The following MYO18B variants were observed in gnomAD, a reference collection of about 807,000 sequenced individuals.
MYO18B encodes myosin XVIIIB.
A neutral mutation model predicts 273.0 loss-of-function variants in MYO18B; 204 were observed. The ratio of observed to expected loss-of-function variants is 0.75; its 90% CI spans 0.67 to 0.84. The LOEUF is 0.84. Among genes scored for constraint, MYO18B ranks in the 40% least tolerant of loss-of-function variants. The pLI is 0.00. For synonymous variants in MYO18B, 1,330 were observed against 1,305.7 expected (o/e 1.02, Z -0.40); for missense variants, 3,212 against 3,287.6 (o/e 0.98, Z 0.56).
chr22:26,040,905 G>A, the MYO18B span, among the ~76,000 whole-genome samples: 1 of 152,156 alleles, frequency 6.6e-6, no homozygotes, highest in Non-Finnish European at 1.5e-5. Context: ...CTGAGAGTAA[G>A]GATGGGAGCC....
chr22:26,025,987 G>A (rs1936211125), intron 42 of MYO18B, among the ~76,000 whole-genome samples: 1 of 152,210 alleles, frequency 6.6e-6, no homozygotes, highest in Non-Finnish European at 1.5e-5. Context: ...GTATCCCGTG[G>A]AGACACATAT....
rs180817625 is a variant in MYO18B at position 25,865,209 on chromosome 22, G to A, written c.3886-3111G>A. ...ATATTCTCACCACTTTGCAGGTGGG[G>A]AAGAGGGTCAGTTGTATAATTTAAT... On this transcript the variant is annotated intron_variant, in intron 21 of 43. Transcript: ENST00000335473. 5.5e-3 allele frequency among the ~76,000 whole-genome samples: 837 copies of A among 152,330 alleles called. 8 individuals are homozygous for A. The highest frequency in any genetic ancestry group is 0.023 in the South Asian group (113 of 4,816).
At chr22:25,984,133 ATTATTTC>A in intron 39 of MYO18B, among the ~76,000 whole-genome samples, 1 of 119,108 alleles carries the variant, frequency 8.4e-6, no homozygotes, top group African/African-American at 3.1e-5. Flanking sequence ...ACAATTTTAC[ATTATTTC>A]ATTTGTTCCT....
intron 22 of MYO18B, among the ~76,000 whole-genome samples, chr22:25,871,705 C>T (rs539630007): frequency 6.6e-6 from 1 of 152,250 alleles, no homozygotes; most frequent in East Asian, 1.9e-4. Flanking sequence ...AAGGCTTGTG[C>T]TGAGGGCCAT....
chr22:26,046,648 G>T, the MYO18B span, among the ~76,000 whole-genome samples: 3 of 152,090 alleles, frequency 2.0e-5, no homozygotes, highest in African/African-American at 4.8e-5. Flanking sequence ...TTTCACTCTT[G>T]CCCCTAGCTG....
At chr22:26,006,468 G>T in intron 42 of MYO18B, 1 of 316,632 alleles carries the variant, frequency 3.2e-6, no homozygotes. Context: ...TGTTCTGGCT[G>T]CTTCCAAATT....
chr22:25,999,728 T>C (rs1332328855), intron 40 of MYO18B, among the ~76,000 whole-genome samples: 1 of 151,436 alleles, frequency 6.6e-6, no homozygotes, highest in Non-Finnish European at 1.5e-5. Context: ...TGATCTTGGC[T>C]CACTGCAACC....
Position 25,770,167 on chromosome 22 carries a change from T to A in MYO18B, c.1570T>A (p.Phe524Ile). The A allele has an allele frequency of 6.2e-7, 1 of 1,613,932 alleles. No homozygotes were observed. The highest frequency in any genetic ancestry group is 8.5e-7 in the Non-Finnish European group (1 of 1,179,842). ...AGTCTGGCTGGCTCAGAAGGATGGA[T>A]TTACTCTTGGTAAGTAGGGGTGTTA... ...EKVWLAQKDGFTLATVLKPDE... is the reference protein window; with the variant it reads ...EKVWLAQKDGITLATVLKPDE... The change falls in exon 5 of 44, where the codon TTT becomes ATT. Residue 524 changes from phenylalanine to isoleucine, a missense_variant. Phe to Ile is a conservative substitution (Grantham distance 21, BLOSUM62 0). Transcript: ENST00000335473.
At chr22:25,934,361 G>T (rs1021034353) in intron 34 of MYO18B, among the ~76,000 whole-genome samples, 6 of 152,234 alleles carry the variant, frequency 3.9e-5, no homozygotes, top group Middle Eastern at 3.4e-3. Flanking sequence ...AAATCAGTTG[G>T]TCAGGCAGAG....
Position 25,952,387 on chromosome 22 carries a change from G to A in MYO18B, c.5934G>A (p.Lys1978=). 6.2e-7 allele frequency: 1 copy of A among 1,613,112 alleles called. No homozygotes were observed. The highest frequency in any genetic ancestry group is 1.1e-5 in the South Asian group (1 of 90,654). ...CGGTCATCTGTGACCTAGAGAACAAGACAGAGTTCCAGAAGGTGCAGATTA... is the reference window on the plus strand; with the variant it reads ...CGGTCATCTGTGACCTAGAGAACAAAACAGAGTTCCAGAAGGTGCAGATTA... ...QEAVICDLEN[K]TEFQKVQIKR... Residue 1978 remains lysine (K), a synonymous_variant, in exon 38 of 44, where the codon AAG becomes AAA. Coordinates refer to ENST00000335473, the MANE Select transcript of MYO18B (RefSeq NM_032608.7).
the MYO18B span, among the ~76,000 whole-genome samples, chr22:26,036,228 T>C: frequency 2.0e-5 from 3 of 152,232 alleles, no homozygotes; most frequent in Admixed American, 6.5e-5. Context: ...TCCCACTCCC[T>C]GGACCTGGTT....
At chr22:25,783,460 T>A (rs2087246981) in intron 10 of MYO18B, among the ~76,000 whole-genome samples, 1 of 152,058 alleles carries the variant, frequency 6.6e-6, no homozygotes, top group Non-Finnish European at 1.5e-5. Context: ...TGGCCTCACC[T>A]CTTGGGACCT....
In MYO18B at chr22:25,962,398, A is replaced by G. The variant is rs549658446; in HGVS notation, c.6156+7034A>G. 1.4e-4 allele frequency among the ~76,000 whole-genome samples: 21 copies of G among 152,360 alleles called. No individual in the cohort carries two copies. In the South Asian group the frequency reaches 4.4e-3, roughly 32 times the overall value. ...CAACCTCCATATCAGAGTCAGGTAT[A>G]GGGTAGATGCTCAGTAATTGCTTGC... On this transcript the variant is annotated intron_variant, in intron 39 of 43. Coordinates refer to ENST00000335473, the MANE Select transcript of MYO18B (RefSeq NM_032608.7).
intron 28 of MYO18B, chr22:25,896,311 T>C (rs909294809): frequency 4.6e-5 from 7 of 152,116 alleles, no homozygotes; most frequent in Non-Finnish European, 8.8e-5. Flanking sequence ...TATTTTCTCT[T>C]CTCACTGAGG....
intron 17 of MYO18B, among the ~76,000 whole-genome samples, chr22:25,842,352 C>T (rs1170481997): frequency 6.6e-6 from 1 of 152,136 alleles, no homozygotes; most frequent in Non-Finnish European, 1.5e-5. Context: ...ATCCAAGAGT[C>T]ATGATAATCT....
intron 36 of MYO18B, among the ~76,000 whole-genome samples, chr22:25,948,997 G>C (rs896091184): frequency 6.6e-6 from 1 of 152,128 alleles, no homozygotes; most frequent in Admixed American, 6.5e-5. Context: ...TGGTGCATTG[G>C]AGAGACTGAA....
rs916847753 is a variant in MYO18B at position 25,915,790 on chromosome 22, C to T, written c.5364+4740C>T. ...ATATGTTTTCAATACACAGCTCTTTCGGATTGCTAACAGTTTATTTAGGAT... is the reference window on the plus strand; with the variant it reads ...ATATGTTTTCAATACACAGCTCTTTTGGATTGCTAACAGTTTATTTAGGAT... On this transcript the variant is annotated intron_variant, in intron 33 of 43. Coordinates refer to ENST00000335473, the MANE Select transcript of MYO18B (RefSeq NM_032608.7). Among the ~76,000 whole-genome samples the T allele has an allele frequency of 2.6e-5, 4 of 152,244 alleles. 1 individual carries two copies. The highest frequency in any genetic ancestry group is 2.0e-4 in the Admixed American group (3 of 15,304).
chr22:26,052,666 T>A, the MYO18B span, among the ~76,000 whole-genome samples: 1 of 152,254 alleles, frequency 6.6e-6, no homozygotes, highest in East Asian at 1.9e-4. Flanking sequence ...CTTGCTGAGT[T>A]TTTGATTAAG....
Position 25,832,797 on chromosome 22 carries a change from A to G in MYO18B, c.2980-120A>G, listed in dbSNP as rs910376917. On this transcript the variant is annotated intron_variant, in intron 15 of 43. Coordinates refer to ENST00000335473, the MANE Select transcript of MYO18B (RefSeq NM_032608.7). ...GTATCTTTTGCCAAAATTTAAAAAAACGATTTTTTTAAAGGGCCAAGAGGT... is the reference window on the plus strand; with the variant it reads ...GTATCTTTTGCCAAAATTTAAAAAAGCGATTTTTTTAAAGGGCCAAGAGGT... 5 of 818,800 alleles carry G rather than the reference A, an allele frequency of 6.1e-6. No homozygotes were observed. The East Asian group carries it at 1.3e-4, about 22-fold the overall frequency. The allele number at this position is 818,800 out of a possible 1,614,324, so 50.7% of individuals were successfully genotyped here.
Sources: allele counts gnomAD v4.1 joint callset (sites outside exome capture counted in the v4.1 genomes callset), GRCh38; gene constraint gnomAD v4.1.1; transcripts MANE v1.5; gene names NCBI Gene and HGNC (gene_info 2026-07-23, HGNC 2026-07-21).